The following PCDHGB7 variants were observed in gnomAD, a reference collection of about 807,000 sequenced individuals.
PCDHGB7 encodes protocadherin gamma subfamily B, 7.
Under a neutral mutation model 61.4 loss-of-function variants are expected in PCDHGB7, and 37 were observed. That is an observed-to-expected ratio of 0.60 (90% CI 0.46 to 0.79). PCDHGB7 has a LOEUF of 0.79. PCDHGB7 is among the 30% of genes least tolerant of loss of function. The pLI is 0.00. For synonymous variants in PCDHGB7, 464 were observed against 503.5 expected, an observed-to-expected ratio of 0.92 and a Z score of 1.05; for missense variants, 1,166 against 1,202.5, an observed-to-expected ratio of 0.97 and a Z score of 0.45.
chr5:141,497,858 C>T (rs920483410), intron 2 of PCDHGB7, among the ~76,000 whole-genome samples: 3 of 152,218 alleles, frequency 2.0e-5, no homozygotes, highest in Non-Finnish European at 2.9e-5. Flanking sequence ...TTTGATTCAG[C>T]GGCTCCAAAG....
Position 141,485,932 on chromosome 5 carries a change from G to A in PCDHGB7, c.2416-8875G>A. ...CCAGCTACAGGATTAGTGTGTTGGA[G>A]AGCGCACCAGCGGGCATGGTGCTCA... On this transcript the variant is annotated intron_variant, in intron 1 of 3. Transcript: ENST00000398594. The surrounding 1 kb of genome is among the most constrained non-coding windows in gnomAD (Gnocchi z 5.7). The A allele has an allele frequency of 6.2e-7, 1 of 1,614,184 alleles. No homozygotes were observed. The highest frequency in any genetic ancestry group is 8.5e-7 in the Non-Finnish European group (1 of 1,180,042).
At chr5:141,433,401 A>ATCTATCTATCTC (rs1444244130) in intron 1 of PCDHGB7, among the ~76,000 whole-genome samples, 15 of 150,598 alleles carry the variant, frequency 1.0e-4, no homozygotes, top group African/African-American at 3.4e-4. Flanking sequence ...CTATCTATCT[A>ATCTATCTATCTC]TCTATTACTT....
Position 141,477,395 on chromosome 5 carries a change from A to G in PCDHGB7, c.2416-17412A>G. The G allele has an allele frequency of 1.9e-6, 3 of 1,614,126 alleles. No individual in the cohort carries two copies. The highest frequency in any genetic ancestry group is 1.3e-5 in the African/African-American group (1 of 75,020). ...GACTGTGCCAGAATACAACCTCAGC[A>G]TCACCGCCCGAGACGCCGGAACCCC... On this transcript the variant is annotated intron_variant, in intron 1 of 3. Transcript: ENST00000398594. The surrounding 1 kb of genome is among the most constrained non-coding windows in gnomAD (Gnocchi z 4.9).
chr5:141,452,951 G>T (rs1397204185), intron 1 of PCDHGB7, among the ~76,000 whole-genome samples: 13 of 152,154 alleles, frequency 8.5e-5, no homozygotes, highest in Admixed American at 8.5e-4. Context: ...GCAATTGGTT[G>T]TCTTTAAACT....
rs767521224 is a variant in PCDHGB7 at position 141,431,148 on chromosome 5, C to T, written c.2415+10874C>T. 3.7e-6 allele frequency: 6 copies of T among 1,614,146 alleles called. No homozygotes were observed. Among genetic ancestry groups the T allele is most frequent in the Admixed American group, 1.7e-5 (1 of 60,030 alleles). On this transcript the variant is annotated intron_variant, in intron 1 of 3. Coordinates refer to ENST00000398594, the MANE Select transcript of PCDHGB7 (RefSeq NM_018927.4). The surrounding 1 kb of genome is among the most constrained non-coding windows in gnomAD (Gnocchi z 4.8). Reference sequence around the variant, plus strand: ...GAAGTAAGGGACATTAACGACAATGCGCCTTACTTTCGTGAAAGTGAATTA... The same window carrying T: ...GAAGTAAGGGACATTAACGACAATGTGCCTTACTTTCGTGAAAGTGAATTA...
intron 1 of PCDHGB7, among the ~76,000 whole-genome samples, chr5:141,457,477 C>A (rs964080100): frequency 2.0e-5 from 3 of 152,134 alleles, no homozygotes; most frequent in African/African-American, 7.2e-5. Context: ...TAAGCAGGGC[C>A]AGGGTTAGTC....
At chr5:141,444,434 G>A (rs761353277) in intron 1 of PCDHGB7, among the ~76,000 whole-genome samples, 16 of 152,196 alleles carry the variant, frequency 1.1e-4, no homozygotes, top group Admixed American at 7.2e-4. Flanking sequence ...GCCTCCCAAA[G>A]TGCTGGGATT....
rs1043628660 is a variant in PCDHGB7, at chr5:141,478,879, G to A, written c.2416-15928G>A. On this transcript the variant is annotated intron_variant, in intron 1 of 3. Coordinates refer to ENST00000398594, the MANE Select transcript of PCDHGB7 (RefSeq NM_018927.4). ...GATCTCAGCGATCAGAGTTTAGCTT[G>A]GTATCATTTACATTAGGAATAAGCT... is the stretch of plus-strand genomic sequence containing the variant. 9 of 1,243,630 alleles carry A rather than the reference G, an allele frequency of 7.2e-6. No homozygotes were observed. The African/African-American group carries it at 1.1e-4, about 15-fold the overall frequency. The allele number at this position is 1,243,630 out of a possible 1,614,324, so 77.0% of individuals were successfully genotyped here.
chr5:141,476,180 C>T lies in PCDHGB7; in HGVS notation c.2416-18627C>T. The T allele has an allele frequency of 1.2e-6, 2 of 1,613,664 alleles. No individual in the cohort carries two copies. Among genetic ancestry groups the T allele is most frequent in the East Asian group, 4.5e-5 (2 of 44,838 alleles). On this transcript the variant is annotated intron_variant, in intron 1 of 3. Transcript: ENST00000398594. The surrounding 1 kb of genome is among the most constrained non-coding windows in gnomAD (Gnocchi z 7.6). ...CGGGAGGGTAGTGGGAGTTTTGCTT[C>T]TGCTTGGTGCCTTGAACAAGGCTTC...
intron 1 of PCDHGB7, among the ~76,000 whole-genome samples, chr5:141,463,135 C>T (rs1352400365): frequency 6.6e-6 from 1 of 152,246 alleles, no homozygotes; most frequent in Middle Eastern, 3.4e-3. Context: ...GGCAGTTCTT[C>T]GCCCAGCTGC....
At chr5:141,421,870 G>A in intron 1 of PCDHGB7, 1 of 1,613,758 alleles carries the variant, frequency 6.2e-7, no homozygotes, top group Non-Finnish European at 8.5e-7. Flanking sequence ...CCTCCTCACA[G>A]CTTTAGATGG....
chr5:141,492,723 C>T (rs896613323), intron 1 of PCDHGB7, among the ~76,000 whole-genome samples: 2 of 152,268 alleles, frequency 1.3e-5, no homozygotes, highest in African/African-American at 4.8e-5. Flanking sequence ...GGCGGACAGG[C>T]AGAGCTGCCC....
At position 141,477,843 on chromosome 5, in the gene PCDHGB7, C is replaced by T; in HGVS notation, c.2416-16964C>T. The T allele has an allele frequency of 6.2e-7, 1 of 1,613,408 alleles. No homozygotes were observed. Among genetic ancestry groups the T allele is most frequent in the Non-Finnish European group, 8.5e-7 (1 of 1,179,796 alleles). On this transcript the variant is annotated intron_variant, in intron 1 of 3. Coordinates refer to ENST00000398594, the MANE Select transcript of PCDHGB7 (RefSeq NM_018927.4). The surrounding 1 kb of genome is among the most constrained non-coding windows in gnomAD (Gnocchi z 4.9). Reference sequence around the variant, plus strand: ...CTATATCCTCGGCCAGGTGGGAGCTCGGTGGAGATGCTGCCTCGAGGTACC... The same window carrying T: ...CTATATCCTCGGCCAGGTGGGAGCTTGGTGGAGATGCTGCCTCGAGGTACC...
chr5:141,482,000 G>A (rs1421859839), intron 1 of PCDHGB7, among the ~76,000 whole-genome samples: 8 of 150,854 alleles, frequency 5.3e-5, no homozygotes, highest in East Asian at 1.9e-4. Flanking sequence ...CAGGAGAATC[G>A]CTTTATCTCA....
chr5:141,422,070 A>G (rs1202364320), intron 1 of PCDHGB7: 3 of 1,612,480 alleles, frequency 1.9e-6, no homozygotes, highest in Non-Finnish European at 2.5e-6. Context: ...TAATGTATTC[A>G]TTTCGGAACA....
chr5:141,471,637 T>G (rs1284100810), intron 1 of PCDHGB7: 1 of 152,198 alleles, frequency 6.6e-6, no homozygotes, highest in Non-Finnish European at 1.5e-5. Context: ...TATGGATTAG[T>G]AATATACTGG....
intron 1 of PCDHGB7, chr5:141,423,945 A>T (rs931771609): frequency 4.1e-6 from 5 of 1,207,688 alleles, no homozygotes; most frequent in Non-Finnish European, 4.1e-6. Context: ...AGTAAGTTGA[A>T]TTTTAGTATT....
At chr5:141,472,359 G>T (rs2099278248) in intron 1 of PCDHGB7, among the ~76,000 whole-genome samples, 1 of 151,944 alleles carries the variant, frequency 6.6e-6, no homozygotes, top group Admixed American at 6.6e-5. Flanking sequence ...GGCTAACACG[G>T]TGAAACCCCG....
chr5:141,460,951 GTA>G (rs200454978), intron 1 of PCDHGB7, among the ~76,000 whole-genome samples: 208 of 139,744 alleles, frequency 1.5e-3, no homozygotes, highest in South Asian at 4.3e-3. Flanking sequence ...TATGTATTAT[GTA>G]TATATATATG....
Sources: gnomAD v4.1 joint callset for allele counts (sites outside exome capture counted in the v4.1 genomes callset) on GRCh38, gnomAD v4.1.1 for gene constraint, Gnocchi (gnomAD v3.1) non-coding constraint, MANE v1.5 for transcripts, NCBI Gene and HGNC (gene_info 2026-07-23, HGNC 2026-07-21) for gene names.